The following P2RX5 variants were observed in gnomAD, a reference collection of about 807,000 sequenced individuals.
P2RX5 encodes the protein purinergic receptor P2X 5, also known as P2X purinoceptor 5.
P2RX5 carries 46 observed loss-of-function variants against 54.1 expected under a neutral mutation model. The ratio of observed to expected loss-of-function variants is 0.85; its 90% confidence interval spans 0.67 to 1.09. P2RX5 has a LOEUF of 1.09. Ranked by LOEUF, P2RX5 falls within the 50% of genes least tolerant of loss-of-function variation. The probability of loss-of-function intolerance (pLI) is 0.00; values close to 1 mark genes in which losing one functional copy is unlikely to be tolerated. For synonymous variants in P2RX5, 226 were observed against 226.4 expected (o/e 1.00, Z 0.02); for missense variants, 566 against 549.8 (o/e 1.03, Z -0.29).
At chr17:3,676,797 C>T (rs986383944) in intron 11 of P2RX5, 22 of 209,312 alleles carry the variant, frequency 1.1e-4, no homozygotes, top group Non-Finnish European at 1.8e-4. Context: ...TTTGGTGGCT[C>T]ACGCATGTAA....
intron 9 of P2RX5, among the ~76,000 whole-genome samples, chr17:3,684,017 C>T (rs1251680508): frequency 1.3e-5 from 2 of 152,366 alleles, no homozygotes; most frequent in South Asian, 2.1e-4. Context: ...GGGAAAGGGA[C>T]CTGCCGGGAT....
chr17:3,715,175 C>T, the P2RX5 span, among the ~76,000 whole-genome samples: 5 of 152,300 alleles, frequency 3.3e-5, no homozygotes, highest in South Asian at 4.1e-4. Context: ...CCTGCTCTCC[C>T]GAGCAGCTGA....
chr17:3,690,312 C>T, intron 5 of P2RX5, 115 bp downstream of exon 5: 8 of 1,120,548 alleles, frequency 7.1e-6, no homozygotes, highest in Non-Finnish European at 1.1e-5. Flanking sequence ...GCTGGGACAG[C>T]CTGACTCCTC....
the P2RX5 span, among the ~76,000 whole-genome samples, chr17:3,714,111 T>G: frequency 4.3e-3 from 649 of 151,244 alleles, 6 homozygotes; most frequent in Non-Finnish European, 7.2e-3. Flanking sequence ...TTATTTTTAG[T>G]AGAGACGGGG....
At chr17:3,723,777 A>G in the P2RX5 span, 7 of 1,602,734 alleles carry the variant, frequency 4.4e-6, no homozygotes, top group South Asian at 3.3e-5. Context: ...GACGCGCTGA[A>G]CAAACCAAGC....
At chr17:3,692,119 A>G in intron 1 of P2RX5, 2 of 297,684 alleles carry the variant, frequency 6.7e-6, no homozygotes, top group East Asian at 1.5e-4. Flanking sequence ...CCTGGCTAAC[A>G]CAGTGAAACC....
chr17:3,689,838 A>T (rs2050552834), intron 6 of P2RX5, among the ~76,000 whole-genome samples: 1 of 152,162 alleles, frequency 6.6e-6, no homozygotes, highest in South Asian at 2.1e-4. Flanking sequence ...CATCACACAC[A>T]CACGCACACA....
At chr17:3,688,440 C>T (rs1053585559) in intron 8 of P2RX5, among the ~76,000 whole-genome samples, 186 bp downstream of exon 8, 1 of 152,182 alleles carries the variant, frequency 6.6e-6, no homozygotes, top group African/African-American at 2.4e-5. Flanking sequence ...TCTCCTCTCC[C>T]AGAGGCACCC....
chr17:3,711,646 A>C, the P2RX5 span, among the ~76,000 whole-genome samples: 1 of 151,774 alleles, frequency 6.6e-6, no homozygotes, highest in Non-Finnish European at 1.5e-5. Context: ...CGCCTCCCGA[A>C]GTGCTGGGAT....
At chr17:3,694,485 C>A (rs890013492) in intron 1 of P2RX5, among the ~76,000 whole-genome samples, 1 of 152,204 alleles carries the variant, frequency 6.6e-6, no homozygotes, top group African/African-American at 2.4e-5. Flanking sequence ...GGATTATAGG[C>A]ATGAGCCACA....
the P2RX5 span, chr17:3,720,481 C>T: frequency 1.4e-6 from 1 of 704,862 alleles, no homozygotes; most frequent in South Asian, 1.6e-5. Context: ...GCCTTCACCA[C>T]CTTTCCCTTT....
intron 11 of P2RX5, chr17:3,676,395 T>C (rs1203684074): frequency 2.7e-5 from 27 of 985,136 alleles, no homozygotes; most frequent in Non-Finnish European, 3.1e-5. Context: ...TTAGTAACAC[T>C]GGCTGCCTCT....
the P2RX5 span, among the ~76,000 whole-genome samples, chr17:3,716,490 A>T: frequency 0.38 from 57,518 of 152,092 alleles, 13,005 homozygotes; most frequent in South Asian, 0.6. Context: ...CACTCTTTAT[A>T]ACTCAGAGTT....
At chr17:3,692,498 C>T (rs1423975941) in intron 1 of P2RX5, among the ~76,000 whole-genome samples, 3 of 152,018 alleles carry the variant, frequency 2.0e-5, no homozygotes, top group Non-Finnish European at 4.4e-5. Context: ...TAACCTGAAA[C>T]CAATCACGAG....
At chr17:3,676,816 C>A (rs1012167922) in intron 11 of P2RX5, among the ~76,000 whole-genome samples, 2 of 152,216 alleles carry the variant, frequency 1.3e-5, no homozygotes, top group Admixed American at 6.5e-5. Context: ...AATCCCAGCA[C>A]TTTGGGAGGC....
chr17:3,718,019 G>C, the P2RX5 span: 1 of 152,252 alleles, frequency 6.6e-6, no homozygotes, highest in East Asian at 1.9e-4. Context: ...TAAACCCACA[G>C]ATTCCCAAAA....
intron 1 of P2RX5, 53 bp from the exon 2 acceptor site, chr17:3,691,847 A>G: frequency 6.2e-7 from 1 of 1,602,256 alleles, no homozygotes; most frequent in Non-Finnish European, 8.5e-7. Flanking sequence ...GGCTTCGGGG[A>G]GCTTCCCCAG....
At chr17:3,680,082 C>G (rs1441133873) in intron 10 of P2RX5, among the ~76,000 whole-genome samples, 2 of 149,128 alleles carry the variant, frequency 1.3e-5, no homozygotes, top group South Asian at 2.1e-4. Context: ...CTGGCTTCCT[C>G]CATCCTACGT....
At chr17:3,698,043 A>AT (rs894303606), upstream of P2RX5, among the ~76,000 whole-genome samples, 91 of 146,078 alleles carry the variant, frequency 6.2e-4, 1 homozygote, top group East Asian at 3.0e-3. Context: ...CCTGGCCCTG[A>AT]TTTTTTTTTT....
Sources: allele counts gnomAD v4.1 joint callset (sites outside exome capture counted in the v4.1 genomes callset), GRCh38; gene constraint gnomAD v4.1.1; transcripts MANE v1.5; gene names NCBI Gene and HGNC (gene_info 2026-07-23, HGNC 2026-07-21).